The following DIAPH2 variants were observed in gnomAD, a reference collection of about 807,000 sequenced individuals.
DIAPH2 encodes diaphanous related formin 2, also known as protein diaphanous homolog 2.
Under a neutral mutation model 92.7 loss-of-function variants are expected in DIAPH2, and 35 were observed. The ratio of observed to expected loss-of-function variants is 0.38; its 90% CI spans 0.29 to 0.50. The LOEUF (loss-of-function observed/expected upper bound fraction) is 0.50. DIAPH2 is among the 20% of genes least tolerant of loss of function. DIAPH2 has a pLI of 0.94. For missense variants in DIAPH2, 701 were observed against 819.5 expected (o/e 0.86, Z 1.77); for synonymous variants, 301 against 280.4 (o/e 1.07, Z -0.73).
chrX:97,346,658 G>C (rs1223717315), intron 23 of DIAPH2, among the ~76,000 whole-genome samples: 1 of 111,727 alleles, frequency 9.0e-6, no homozygotes, highest in East Asian at 2.8e-4. Context: ...GATTAGGTTT[G>C]ATGAAGAGTG....
intron 26 of DIAPH2, among the ~76,000 whole-genome samples, chrX:97,549,012 C>T (rs966079966): frequency 3.6e-5 from 4 of 112,217 alleles, no homozygotes; most frequent in Non-Finnish European, 7.5e-5. Flanking sequence ...GTAATTTTCC[C>T]AAGTGCTGAT....
At chrX:96,857,202 A>G (rs1260428756) in intron 4 of DIAPH2, among the ~76,000 whole-genome samples, 2 of 111,667 alleles carry the variant, frequency 1.8e-5, no homozygotes, top group African/African-American at 3.3e-5. Flanking sequence ...AATACCTGCT[A>G]TAGTATTTCA....
At chrX:96,841,755 T>C (rs1398743867) in intron 4 of DIAPH2, among the ~76,000 whole-genome samples, 1 of 112,306 alleles carries the variant, frequency 8.9e-6, no homozygotes, top group African/African-American at 3.2e-5. Context: ...CTTTCTGTCA[T>C]GCGTGTCCCT....
intron 4 of DIAPH2, among the ~76,000 whole-genome samples, chrX:96,863,506 G>GTA (rs2065084914): frequency 9.1e-6 from 1 of 110,477 alleles, no homozygotes; most frequent in Non-Finnish European, 1.9e-5. Context: ...AAAGAAGAGA[G>GTA]TATGTATCTA....
At chrX:97,358,447 A>G (rs768535660) in intron 24 of DIAPH2, among the ~76,000 whole-genome samples, 1 of 111,696 alleles carries the variant, frequency 9.0e-6, no homozygotes, top group South Asian at 3.8e-4. Context: ...AAATGTCAGT[A>G]ATGTTGAGAT....
intron 17 of DIAPH2, among the ~76,000 whole-genome samples, chrX:97,028,194 G>T (rs2066347980): frequency 1.8e-5 from 2 of 110,240 alleles, no homozygotes; most frequent in South Asian, 7.8e-4. Flanking sequence ...TATTTTCGTG[G>T]CCAATCATCT....
intron 26 of DIAPH2, among the ~76,000 whole-genome samples, chrX:97,561,294 T>C (rs1320520627): frequency 8.9e-6 from 1 of 112,298 alleles, no homozygotes; most frequent in Non-Finnish European, 1.9e-5. Context: ...TTAATGGATA[T>C]GTAGAGATAA....
intron 17 of DIAPH2, among the ~76,000 whole-genome samples, chrX:97,028,258 C>A (rs1032687992): frequency 9.0e-6 from 1 of 111,102 alleles, no homozygotes; most frequent in Non-Finnish European, 1.9e-5. Context: ...CTTTCATTGA[C>A]CCCTGGCAGT....
At chrX:97,342,657 A>G (rs2069122290) in intron 23 of DIAPH2, among the ~76,000 whole-genome samples, 1 of 112,452 alleles carries the variant, frequency 8.9e-6, no homozygotes, top group Admixed American at 9.5e-5. Context: ...CAGTGATCAG[A>G]GAAGGTCTAC....
intron 4 of DIAPH2, among the ~76,000 whole-genome samples, chrX:96,818,566 A>G (rs1451429826): frequency 3.6e-5 from 4 of 111,819 alleles, no homozygotes; most frequent in Non-Finnish European, 5.6e-5. Context: ...AAATTGATTA[A>G]AATTATTCAG....
chrX:97,203,630 C>T (rs139966170), intron 22 of DIAPH2, among the ~76,000 whole-genome samples: 173 of 111,543 alleles, frequency 1.6e-3, no homozygotes, highest in East Asian at 7.0e-3. Flanking sequence ...AGGAAGAAGT[C>T]GAATCCCTGA....
chrX:97,503,339 G>C (rs1452482247), intron 26 of DIAPH2, among the ~76,000 whole-genome samples: 1 of 111,933 alleles, frequency 8.9e-6, no homozygotes, highest in African/African-American at 3.2e-5. Flanking sequence ...AGGTCTCCAG[G>C]CAAGGTTTAC....
intron 26 of DIAPH2, among the ~76,000 whole-genome samples, chrX:97,462,538 A>T (rs951793668): frequency 8.9e-6 from 1 of 112,272 alleles, no homozygotes; most frequent in African/African-American, 3.2e-5. Context: ...TTGCTGCTTT[A>T]AAAAATATTT....
At chrX:97,056,006 A>G (rs895553761) in intron 17 of DIAPH2, among the ~76,000 whole-genome samples, 2 of 111,609 alleles carry the variant, frequency 1.8e-5, no homozygotes, top group African/African-American at 6.5e-5. Flanking sequence ...ACACTTCATG[A>G]TTCATTTCTC....
intron 16 of DIAPH2, among the ~76,000 whole-genome samples, chrX:96,960,207 C>A (rs186283512): frequency 9.0e-6 from 1 of 111,259 alleles, no homozygotes; most frequent in African/African-American, 3.3e-5. Context: ...GTTGTATGGT[C>A]GTTTTAACAG....
At chrX:96,751,652 G>GTTTTTTTTTTTTTTTTTTTTTT (rs1219167141) in intron 3 of DIAPH2, among the ~76,000 whole-genome samples, 1 of 60,312 alleles carries the variant, frequency 1.7e-5, no homozygotes, top group African/African-American at 6.4e-5. Flanking sequence ...TCAGTGTTTT[G>GTTTTTTTTTTTTTTTTTTTTTT]TTTTTTTTTT....
chrX:96,864,199 G>T (rs967828737), intron 4 of DIAPH2, among the ~76,000 whole-genome samples: 1 of 111,278 alleles, frequency 9.0e-6, no homozygotes, highest in Admixed American at 9.5e-5. Flanking sequence ...AACTTAGAAC[G>T]TGAAGTCCTA....
intron 22 of DIAPH2, among the ~76,000 whole-genome samples, chrX:97,227,732 A>C (rs183594859): frequency 3.8e-3 from 427 of 111,927 alleles, no homozygotes; most frequent in African/African-American, 0.013. Context: ...CAAATCAAGA[A>C]GATTTTTTTA....
chrX:97,184,774 A>C (rs757910524), intron 22 of DIAPH2, among the ~76,000 whole-genome samples: 2 of 111,987 alleles, frequency 1.8e-5, no homozygotes, highest in African/African-American at 6.5e-5. Context: ...ATATGGTAGG[A>C]AACTTTGAAA....
Sources: allele counts gnomAD v4.1 joint callset (sites outside exome capture counted in the v4.1 genomes callset), GRCh38; gene constraint gnomAD v4.1.1; transcripts MANE v1.5; gene names NCBI Gene and HGNC (gene_info 2026-07-23, HGNC 2026-07-21).